The following WIPF1 variants were observed in gnomAD, a reference collection of about 807,000 sequenced individuals.
WIPF1 encodes WAS/WASL-interacting protein family member 1.
WIPF1 carries 13 observed loss-of-function variants against 35.4 expected under a neutral mutation model. That is an observed-to-expected ratio of 0.37 (90% confidence interval 0.24 to 0.58). WIPF1 has a LOEUF of 0.58. Among genes scored for constraint, WIPF1 ranks in the 20% least tolerant of loss-of-function variants. The probability of loss-of-function intolerance (pLI) is 0.74; values close to 1 mark genes in which losing one functional copy is unlikely to be tolerated. For synonymous variants in WIPF1, 267 were observed against 266.3 expected (o/e 1.00, Z -0.02); for missense variants, 591 against 667.0 (o/e 0.89, Z 1.25).
chr2:174,572,770 C>A (rs1684918274), intron 4 of WIPF1, among the ~76,000 whole-genome samples: 2 of 152,164 alleles, frequency 1.3e-5, no homozygotes, highest in Admixed American at 1.3e-4. Flanking sequence ...TATGAGAGGA[C>A]AAGAACAAGA....
chr2:174,579,067 G>T (rs1432412433), intron 3 of WIPF1, among the ~76,000 whole-genome samples: 1 of 152,144 alleles, frequency 6.6e-6, no homozygotes, highest in Non-Finnish European at 1.5e-5. Flanking sequence ...GCCCAGGCTG[G>T]AGTACAATGG....
intron 7 of WIPF1, among the ~76,000 whole-genome samples, chr2:174,563,292 C>G (rs1684543505): frequency 6.6e-6 from 1 of 152,032 alleles, no homozygotes; most frequent in Non-Finnish European, 1.5e-5. Flanking sequence ...TATTCACGGC[C>G]CAGTTGCAGT....
chr2:174,596,399 G>GT (rs1209903828), intron 1 of WIPF1, among the ~76,000 whole-genome samples: 1 of 152,206 alleles, frequency 6.6e-6, no homozygotes, highest in East Asian at 1.9e-4. Context: ...CAAGTGAATT[G>GT]TAAGAGTATG....
intron 4 of WIPF1, 70 bp downstream of exon 4, chr2:174,575,134 A>G: frequency 2.0e-6 from 3 of 1,504,348 alleles, no homozygotes; most frequent in Non-Finnish European, 2.7e-6. Context: ...CTTAGAGGCT[A>G]TGACCAGCCT....
chr2:174,651,020 G>A (rs1343094531), intron 1 of WIPF1, among the ~76,000 whole-genome samples: 1 of 152,236 alleles, frequency 6.6e-6, no homozygotes, highest in Non-Finnish European at 1.5e-5. Flanking sequence ...TTAAACCAGT[G>A]AATGGAAAGA....
At chr2:174,578,016 C>T (rs1158666180) in intron 3 of WIPF1, among the ~76,000 whole-genome samples, 3 of 151,890 alleles carry the variant, frequency 2.0e-5, no homozygotes, top group Non-Finnish European at 2.9e-5. Context: ...GTTCTCTTAT[C>T]TATGATGATA....
At chr2:174,574,633 T>C (rs1417920931) in intron 4 of WIPF1, 1 of 425,676 alleles carries the variant, frequency 2.3e-6, no homozygotes, top group Non-Finnish European at 4.2e-6. Context: ...TCAGTTTTTT[T>C]CTACCATCAG....
chr2:174,680,316 T>C (rs908987668), intron 1 of WIPF1, among the ~76,000 whole-genome samples: 1 of 152,190 alleles, frequency 6.6e-6, no homozygotes, highest in African/African-American at 2.4e-5. Context: ...TGATTCGACG[T>C]GGGTCCCTGC....
Position 174,561,962 on chromosome 2 carries a change from C to T in WIPF1, c.*585G>A, listed in dbSNP as rs1684495241. 8.4e-7 allele frequency: 1 copy of T among 1,193,636 alleles called. No homozygotes were observed. Among genetic ancestry groups the T allele is most frequent in the African/African-American group, 1.5e-5 (1 of 64,792 alleles). The allele number at this position is 1,193,636 out of a possible 1,614,324, so 73.9% of individuals were successfully genotyped here. ...AAATATTTTGGATGCATATTAACTT[C>T]ACTTGTTTAAAATATATTAGAAATG... On this transcript the variant is annotated 3_prime_UTR_variant, in exon 8 of 8. Coordinates refer to ENST00000679041, the MANE Select transcript of WIPF1 (RefSeq NM_001375834.1).
intron 1 of WIPF1, among the ~76,000 whole-genome samples, chr2:174,650,505 C>A (rs1020258540): frequency 2.0e-5 from 3 of 152,170 alleles, no homozygotes; most frequent in Admixed American, 6.5e-5. Context: ...ACCTTTGTTA[C>A]TCCTCCTATA....
intron 1 of WIPF1, among the ~76,000 whole-genome samples, chr2:174,604,084 G>T (rs1686084329): frequency 6.6e-6 from 1 of 152,160 alleles, no homozygotes; most frequent in South Asian, 2.1e-4. Flanking sequence ...AACGACAGTA[G>T]CACAGGTATA....
intron 1 of WIPF1, among the ~76,000 whole-genome samples, chr2:174,667,892 T>TG (rs1687925842): frequency 6.6e-6 from 1 of 152,228 alleles, no homozygotes; most frequent in African/African-American, 2.4e-5. Flanking sequence ...AGTTTGATTC[T>TG]CTCACCCCCA....
At chr2:174,633,867 T>G (rs1687104289) in intron 1 of WIPF1, among the ~76,000 whole-genome samples, 1 of 152,158 alleles carries the variant, frequency 6.6e-6, no homozygotes, top group South Asian at 2.1e-4. Flanking sequence ...GGGAAAAGGA[T>G]TTCCTCGTCT....
intron 1 of WIPF1, among the ~76,000 whole-genome samples, chr2:174,633,388 T>G (rs1687087441): frequency 6.6e-6 from 1 of 152,212 alleles, no homozygotes; most frequent in Admixed American, 6.5e-5. Flanking sequence ...AAACAGGAAG[T>G]TCCTGATCTT....
intron 1 of WIPF1, among the ~76,000 whole-genome samples, chr2:174,664,455 C>T (rs1297325934): frequency 6.6e-6 from 1 of 152,218 alleles, no homozygotes. Flanking sequence ...CTCATCTCTA[C>T]AGAAACCTAC....
At chr2:174,681,843 T>A (rs917085143) in intron 1 of WIPF1, among the ~76,000 whole-genome samples, 8 of 152,254 alleles carry the variant, frequency 5.3e-5, no homozygotes, top group Middle Eastern at 3.4e-3. Flanking sequence ...GAATACTCCA[T>A]CGGGATTTAA....
In WIPF1 at chr2:174,585,524, A is replaced by G; in HGVS notation, c.50T>C (p.Leu17Pro). Reference sequence around the variant, plus strand: ...AGTGTTTGGGGAGGAGACACTCACCAGTGCAAACGTCGGGGGCGGCGGGGG... The same window carrying G: ...AGTGTTTGGGGAGGAGACACTCACCGGTGCAAACGTCGGGGGCGGCGGGGG... ...PAPPPPPTFA[L>P]ANTEKPTLNK... The change falls in exon 2 of 8, where the codon CTG becomes CCG. Residue 17 changes from leucine (L) to proline (P), a missense_variant and splice_region_variant. Physicochemically the swap from Leu to Pro is moderately conservative, Grantham distance 98. Around this residue, in one of 3 missense-constraint regions of WIPF1, gnomAD observed 471 missense variants for 501.1 expected, o/e 0.94. Transcript: ENST00000679041. The G allele has an allele frequency of 9.6e-7, 1 of 1,039,626 alleles. No homozygotes were observed. The highest frequency in any genetic ancestry group is 2.1e-5 in the Admixed American group (1 of 46,924). The allele number at this position is 1,039,626 out of a possible 1,614,324, so 64.4% of individuals were successfully genotyped here. A position where few individuals can be genotyped will look rare whatever the true frequency, so the allele number is the denominator to read the frequency against.
At chr2:174,677,662 T>C (rs1261922600) in intron 1 of WIPF1, among the ~76,000 whole-genome samples, 1 of 152,226 alleles carries the variant, frequency 6.6e-6, no homozygotes, top group Admixed American at 6.5e-5. Context: ...TTTTAGCACA[T>C]TCTTCTTTTA....
At position 174,562,163 on chromosome 2, in the gene WIPF1, G is replaced by A. The variant is rs928018013; in HGVS notation, c.*384C>T. ...GAAACAGAGAGGAGGCCAAGCATGC[G>A]AAAAAGGAACGGGAGAAAACAGCTC... On this transcript the variant is annotated 3_prime_UTR_variant, in exon 8 of 8. Transcript: ENST00000679041. 9.0e-6 allele frequency: 14 copies of A among 1,550,340 alleles called. No individual in the cohort carries two copies. Among genetic ancestry groups the A allele is most frequent in the Admixed American group, 2.0e-5 (1 of 50,980 alleles).
Sources: allele counts gnomAD v4.1 joint callset (sites outside exome capture counted in the v4.1 genomes callset), GRCh38; gene constraint gnomAD v4.1.1; regional missense constraint gnomAD v4.1.1; transcripts MANE v1.5; gene names NCBI Gene and HGNC (gene_info 2026-07-23, HGNC 2026-07-21).